The following DPYSL2 variants were observed in gnomAD, a reference collection of about 807,000 sequenced individuals.
DPYSL2 encodes the protein dihydropyrimidinase-related protein 2.
Under a neutral mutation model 69.9 loss-of-function variants are expected in DPYSL2, and 13 were observed. The observed-to-expected ratio is 0.19, with a 90% CI of 0.12 to 0.30. The LOEUF is 0.30. DPYSL2 is among the 10% of genes least tolerant of loss of function. The pLI, the probability that DPYSL2 is intolerant of heterozygous loss-of-function variation, is 1.00. For missense variants in DPYSL2, 587 were observed against 918.9 expected (o/e 0.64, Z 4.67); for synonymous variants, 326 against 359.1 (o/e 0.91, Z 1.04).
intron 1 of DPYSL2, among the ~76,000 whole-genome samples, chr8:26,555,969 T>C (rs184148982): frequency 5.9e-4 from 69 of 116,338 alleles, no homozygotes; most frequent in Non-Finnish European, 1.1e-3. Flanking sequence ...TTATATATTA[T>C]ATATAGTATA....
chr8:26,516,037 A>T lies in DPYSL2; in HGVS notation c.354+1358A>T, dbSNP rs2117593377. On this transcript the variant is annotated intron_variant, in intron 1 of 13. Coordinates refer to ENST00000521913, the MANE Select transcript of DPYSL2 (RefSeq NM_001197293.3). The surrounding 1 kb of genome is among the most constrained non-coding windows in gnomAD (Gnocchi z 4.8). ...TTGACTGTTTGCTGATGTGACATAGAGTTTTGCAGCTTTTGACTTTTGTAG... is the reference window on the plus strand; with the variant it reads ...TTGACTGTTTGCTGATGTGACATAGTGTTTTGCAGCTTTTGACTTTTGTAG... 6.6e-6 allele frequency among the ~76,000 whole-genome samples: 1 copy of T among 152,338 alleles called. No individual in the cohort carries two copies. Among genetic ancestry groups the T allele is most frequent in the African/African-American group, 2.4e-5 (1 of 41,582 alleles).
rs1801122184 is a variant in DPYSL2 at position 26,564,686 on chromosome 8, G to A, written c.355-17283G>A. On this transcript the variant is annotated intron_variant, in intron 1 of 13. Coordinates refer to ENST00000521913, the MANE Select transcript of DPYSL2 (RefSeq NM_001197293.3). The surrounding 1 kb of genome is among the most constrained non-coding windows in gnomAD (Gnocchi z 4.8). ...CAGCTGCTGAGAGGTGTGAGAGGGT[G>A]GCCAGATCAAGGACCAGTGGGAAGT... Among the ~76,000 whole-genome samples the A allele has an allele frequency of 1.3e-5, 2 of 152,122 alleles. No individual in the cohort carries two copies. The highest frequency in any genetic ancestry group is 4.8e-5 in the African/African-American group (2 of 41,424).
chr8:26,616,272 A>C (rs1189273253), intron 3 of DPYSL2, among the ~76,000 whole-genome samples: 1 of 151,910 alleles, frequency 6.6e-6, no homozygotes, highest in Non-Finnish European at 1.5e-5. Flanking sequence ...TTTCAGAGCA[A>C]AACCACGTTA....
rs1468929886 is a variant in DPYSL2 at position 26,641,827 on chromosome 8, CCAGCTGAACAGCGA to C, written c.1127-1611_1127-1598del. Reference sequence around the variant, plus strand: ...TGCCTGCTGTGGCCTCCAGCACTCCCCAGCTGAACAGCGAGTCCTTTGTGAAATTCCTGAGGCAG... The same window carrying C: ...TGCCTGCTGTGGCCTCCAGCACTCCCGTCCTTTGTGAAATTCCTGAGGCAG... On this transcript the variant is annotated intron_variant, in intron 8 of 13. Transcript: ENST00000521913. The surrounding 1 kb of genome is among the most constrained non-coding windows in gnomAD (Gnocchi z 4.1). Among the ~76,000 whole-genome samples the C allele has an allele frequency of 2.6e-5, 4 of 152,210 alleles. No homozygotes were observed. Among genetic ancestry groups the C allele is most frequent in the African/African-American group, 9.6e-5 (4 of 41,458 alleles).
In DPYSL2 at chr8:26,644,472, A is replaced by G. The variant is rs1803119345; in HGVS notation, c.1425+381A>G. Among the ~76,000 whole-genome samples the G allele has an allele frequency of 1.3e-5, 2 of 151,330 alleles. No individual in the cohort carries two copies. ...CAGGCTCAGACCACCATGCCTGGCT[A>G]ATTTTTTTTTTATTTTTTGTGGAGA... is the stretch of plus-strand genomic sequence containing the variant. On this transcript the variant is annotated intron_variant, in intron 10 of 13. Coordinates refer to ENST00000521913, the MANE Select transcript of DPYSL2 (RefSeq NM_001197293.3). The surrounding 1 kb of genome is among the most constrained non-coding windows in gnomAD (Gnocchi z 4.5).
intron 13 of DPYSL2, 128 bp from the exon 14 acceptor site, chr8:26,655,487 C>A: frequency 1.3e-6 from 1 of 775,158 alleles, no homozygotes; most frequent in Non-Finnish European, 2.0e-6. Context: ...CAGAGCAAGA[C>A]GCTGTCTCCA....
intron 1 of DPYSL2, among the ~76,000 whole-genome samples, chr8:26,515,932 CACAAGCATTT>C (rs1371768466): frequency 6.6e-5 from 10 of 152,284 alleles, no homozygotes; most frequent in Admixed American, 3.3e-4. Flanking sequence ...CGAGGGATTC[CACAAGCATTT>C]ACATTTGTGT....
chr8:26,654,318 C>G lies in DPYSL2; in HGVS notation c.1942+921C>G, dbSNP rs992294245. Among the ~76,000 whole-genome samples, 1 of 152,130 alleles carries G rather than the reference C, an allele frequency of 6.6e-6. No homozygotes were observed. Among genetic ancestry groups the G allele is most frequent in the Non-Finnish European group, 1.5e-5 (1 of 68,018 alleles). ...GATTTTTAAGTTTCCTTGCTTGAAACTTCTTTCCCATCTTTCATTTGTCCC... is the reference window on the plus strand; with the variant it reads ...GATTTTTAAGTTTCCTTGCTTGAAAGTTCTTTCCCATCTTTCATTTGTCCC... On this transcript the variant is annotated intron_variant, in intron 13 of 13. Coordinates refer to ENST00000521913, the MANE Select transcript of DPYSL2 (RefSeq NM_001197293.3). This position sits in a 1 kb window ranked among gnomAD's most constrained non-coding sequence, Gnocchi z 5.0.
chr8:26,629,147 CCTT>C (rs1402344916), intron 7 of DPYSL2, among the ~76,000 whole-genome samples: 2 of 152,146 alleles, frequency 1.3e-5, no homozygotes, highest in Admixed American at 6.5e-5. Flanking sequence ...TTTGTTCTAT[CCTT>C]CTTGCTGCAT....
Position 26,627,251 on chromosome 8 carries a change from G to A in DPYSL2, c.892G>A (p.Ala298Thr), listed in dbSNP as rs143980725. 1.4e-5 allele frequency: 22 copies of A among 1,614,172 alleles called. No homozygotes were observed. The highest frequency in any genetic ancestry group is 1.6e-4 in the Middle Eastern group (1 of 6,062). The change falls in exon 6 of 14, where the codon GCC becomes ACC. Residue 298 changes from alanine (A) to threonine (T), a missense_variant. Around this residue, in one of 3 missense-constraint regions of DPYSL2, gnomAD observed 452 missense variants for 754.3 expected, o/e 0.60. Transcript: ENST00000521913. This position sits in a 1 kb window ranked among gnomAD's most constrained non-coding sequence, Gnocchi z 6.9. Reference protein sequence around the residue: ...EVLSVIRDIGAIAQVHAENGD... With the variant: ...EVLSVIRDIGTIAQVHAENGD... ...ACTGAGTGTGATCCGGGATATTGGC[G>A]CCATAGCCCAAGTCCACGCAGAAAA...
intron 1 of DPYSL2, among the ~76,000 whole-genome samples, chr8:26,559,383 C>A (rs1359218948): frequency 6.6e-6 from 1 of 152,194 alleles, no homozygotes; most frequent in Non-Finnish European, 1.5e-5. Context: ...TTTCCTTCCA[C>A]AAAGATTGTA....
At position 26,642,660 on chromosome 8, in the gene DPYSL2, G is replaced by C. The variant is rs947148093; in HGVS notation, c.1127-779G>C. ...GTATTGGCATTCAGCGAATGTACAT[G>C]AGTCTCAACTTTCTGGTTTACATCT... On this transcript the variant is annotated intron_variant, in intron 8 of 13. Coordinates refer to ENST00000521913, the MANE Select transcript of DPYSL2 (RefSeq NM_001197293.3). The surrounding 1 kb of genome is among the most constrained non-coding windows in gnomAD (Gnocchi z 5.3). Among the ~76,000 whole-genome samples the C allele has an allele frequency of 6.6e-6, 1 of 152,212 alleles. No individual in the cohort carries two copies. The highest frequency in any genetic ancestry group is 2.4e-5 in the African/African-American group (1 of 41,450).
chr8:26,521,045 GAACACA>G (rs1165596813), intron 1 of DPYSL2, among the ~76,000 whole-genome samples: 1 of 152,086 alleles, frequency 6.6e-6, no homozygotes, highest in African/African-American at 2.4e-5. Flanking sequence ...TTGGAGAAGG[GAACACA>G]AACACAAAGT....
At chr8:26,618,390 G>A (rs1201886160) in intron 3 of DPYSL2, among the ~76,000 whole-genome samples, 1 of 150,244 alleles carries the variant, frequency 6.7e-6, no homozygotes, top group African/African-American at 2.5e-5. Flanking sequence ...ATAGCTCACT[G>A]CATCCCCAAA....
intron 1 of DPYSL2, chr8:26,578,094 G>A: frequency 6.7e-7 from 1 of 1,502,492 alleles, no homozygotes; most frequent in Non-Finnish European, 8.8e-7. Context: ...CATCCGTTAC[G>A]TTCTTGAAAT....
At chr8:26,601,527 G>A (rs1274320338) in intron 3 of DPYSL2, among the ~76,000 whole-genome samples, 5 of 152,088 alleles carry the variant, frequency 3.3e-5, no homozygotes, top group African/African-American at 7.2e-5. Flanking sequence ...ACAGGTGCCC[G>A]CCAACATGCC....
At chr8:26,583,583 C>T (rs1212770786) in intron 2 of DPYSL2, among the ~76,000 whole-genome samples, 1 of 152,112 alleles carries the variant, frequency 6.6e-6, no homozygotes, top group Non-Finnish European at 1.5e-5. Context: ...AGTGGGGCCT[C>T]TGGTGCCTTA....
In DPYSL2 at chr8:26,620,748, T is replaced by G. The variant is rs967773532; in HGVS notation, c.629-3395T>G. On this transcript the variant is annotated intron_variant, in intron 3 of 13. Coordinates refer to ENST00000521913, the MANE Select transcript of DPYSL2 (RefSeq NM_001197293.3). This position sits in a 1 kb window ranked among gnomAD's most constrained non-coding sequence, Gnocchi z 4.5. ...ATGTGGGTCTTAGTGTCACCAGTAC[T>G]TATCCTTCTTCTTAGGAGGGATTTG... Among the ~76,000 whole-genome samples the G allele has an allele frequency of 1.1e-4, 17 of 152,232 alleles. No individual in the cohort carries two copies. The highest frequency in any genetic ancestry group is 3.1e-4 in the African/African-American group (13 of 41,452).
Position 26,620,767 on chromosome 8 carries a change from G to T in DPYSL2, c.629-3376G>T, listed in dbSNP as rs1307679704. Reference sequence around the variant, plus strand: ...CAGTACTTATCCTTCTTCTTAGGAGGGATTTGTTTTTTTAATCTTAAAGGA... The same window carrying T: ...CAGTACTTATCCTTCTTCTTAGGAGTGATTTGTTTTTTTAATCTTAAAGGA... On this transcript the variant is annotated intron_variant, in intron 3 of 13. Transcript: ENST00000521913. This position sits in a 1 kb window ranked among gnomAD's most constrained non-coding sequence, Gnocchi z 4.5. 1.3e-5 allele frequency among the ~76,000 whole-genome samples: 2 copies of T among 151,980 alleles called. No homozygotes were observed. The highest frequency in any genetic ancestry group is 2.9e-5 in the Non-Finnish European group (2 of 68,012).
Sources: allele counts gnomAD v4.1 joint callset (sites outside exome capture counted in the v4.1 genomes callset), GRCh38; gene constraint gnomAD v4.1.1; regional missense constraint gnomAD v4.1.1; non-coding constraint Gnocchi (gnomAD v3.1); transcripts MANE v1.5; gene names NCBI Gene and HGNC (gene_info 2026-07-23, HGNC 2026-07-21).